Variants in ELMO1 observed in about 807,000 individuals in gnomAD.
ELMO1 encodes engulfment and cell motility protein 1.
In ELMO1, 26 loss-of-function variants were observed where a neutral mutation model predicts 98.9. The observed-to-expected ratio is 0.26, with a 90% confidence interval of 0.19 to 0.36. The LOEUF (loss-of-function observed/expected upper bound fraction) is 0.36, where lower values mean the gene tolerates loss of function less well. ELMO1 is among the 10% of genes least tolerant of loss of function. ELMO1 has a pLI of 1.00. For missense variants in ELMO1, 627 were observed against 935.2 expected, an observed-to-expected ratio of 0.67 and a Z score of 4.30; for synonymous variants, 346 against 346.0, an observed-to-expected ratio of 1.00 and a Z score of 0.00.
chr7:37,197,527 A>G (rs925988470), intron 13 of ELMO1, among the ~76,000 whole-genome samples: 1 of 152,266 alleles, frequency 6.6e-6, no homozygotes. Context: ...AATAGTCACC[A>G]CTTGAAAAAA....
At chr7:36,940,798 G>T (rs576785622) in intron 16 of ELMO1, among the ~76,000 whole-genome samples, 1 of 152,170 alleles carries the variant, frequency 6.6e-6, no homozygotes, top group African/African-American at 2.4e-5. Flanking sequence ...AGGCACTGGG[G>T]GACTCTACAA....
chr7:37,423,893 C>A (rs915194077), intron 1 of ELMO1, among the ~76,000 whole-genome samples: 1 of 152,108 alleles, frequency 6.6e-6, no homozygotes, highest in African/African-American at 2.4e-5. Context: ...ACTAAAACAC[C>A]CATCTCTGAA....
chr7:37,300,964 A>C (rs202136826), intron 4 of ELMO1, among the ~76,000 whole-genome samples: 18 of 151,962 alleles, frequency 1.2e-4, no homozygotes, highest in African/African-American at 3.9e-4. Context: ...TTGGTCTATT[A>C]AGAGATTCAA....
intron 16 of ELMO1, among the ~76,000 whole-genome samples, chr7:36,916,915 C>T (rs755690897): frequency 1.3e-5 from 2 of 152,170 alleles, no homozygotes; most frequent in African/African-American, 2.4e-5. Context: ...AATTTGGGTA[C>T]AAGTGGTAAT....
intron 15 of ELMO1, among the ~76,000 whole-genome samples, chr7:37,058,696 T>C (rs1010705118): frequency 6.6e-6 from 1 of 152,106 alleles, no homozygotes; most frequent in African/African-American, 2.4e-5. Context: ...CAGGAAGCCC[T>C]GGGGATACTC....
chr7:37,052,485 C>T (rs1176147516), intron 15 of ELMO1, among the ~76,000 whole-genome samples: 2 of 152,172 alleles, frequency 1.3e-5, no homozygotes, highest in Non-Finnish European at 2.9e-5. Flanking sequence ...CAGGCTGCAA[C>T]CCACCATATC....
chr7:37,303,032 C>T (rs1798426040), intron 4 of ELMO1, among the ~76,000 whole-genome samples: 1 of 152,178 alleles, frequency 6.6e-6, no homozygotes, highest in African/African-American at 2.4e-5. Context: ...TCTTCTATTT[C>T]TCCTTTTCTT....
rs527634588 is a variant in ELMO1 at position 37,202,469 on chromosome 7, A to G, written c.1086+8917T>C. ...AAGCCTATGATAAAATCACACTGGG[A>G]TCGGTGCTGAAATATAAGGCAAGTC... On this transcript the variant is annotated intron_variant, in intron 13 of 21. Transcript: ENST00000310758. Among the ~76,000 whole-genome samples, 3 of 152,342 alleles carry G rather than the reference A, an allele frequency of 2.0e-5. No individual in the cohort carries two copies. In the South Asian group the frequency reaches 6.2e-4, roughly 32 times the overall value.
chr7:37,027,394 G>T (rs1323941092), intron 15 of ELMO1, among the ~76,000 whole-genome samples: 2 of 152,090 alleles, frequency 1.3e-5, no homozygotes, highest in Non-Finnish European at 2.9e-5. Context: ...TTTGAGCAGG[G>T]GTACTGGGCT....
At chr7:37,165,549 G>A (rs1789609896) in intron 13 of ELMO1, among the ~76,000 whole-genome samples, 1 of 152,012 alleles carries the variant, frequency 6.6e-6, no homozygotes, top group Non-Finnish European at 1.5e-5. Context: ...AGCATGAAGG[G>A]CTGTTGAATT....
At chr7:37,080,600 A>ATTTTTTT (rs764259726) in intron 15 of ELMO1, among the ~76,000 whole-genome samples, 9 of 105,216 alleles carry the variant, frequency 8.6e-5, no homozygotes, top group East Asian at 2.7e-4. Flanking sequence ...ACCACGCCTA[A>ATTTTTTT]TTTTTTTTTT....
At chr7:37,107,151 T>C (rs902571750) in intron 14 of ELMO1, among the ~76,000 whole-genome samples, 7 of 152,224 alleles carry the variant, frequency 4.6e-5, no homozygotes, top group Admixed American at 6.5e-5. Context: ...TAAAAATACA[T>C]GTATGAACAA....
intron 16 of ELMO1, among the ~76,000 whole-genome samples, chr7:36,916,330 T>C (rs1458759630): frequency 6.6e-6 from 1 of 152,236 alleles, no homozygotes; most frequent in East Asian, 1.9e-4. Context: ...CCTGCCACAC[T>C]CCTGAGATGC....
Position 37,121,868 on chromosome 7 carries a change from T to G in ELMO1, c.1191+11262A>C, listed in dbSNP as rs548938373. 1.1e-4 allele frequency among the ~76,000 whole-genome samples: 17 copies of G among 152,218 alleles called. No homozygotes were observed. In the East Asian group the frequency reaches 2.7e-3, roughly 24 times the overall value. On this transcript the variant is annotated intron_variant, in intron 14 of 21. Coordinates refer to ENST00000310758, the MANE Select transcript of ELMO1 (RefSeq NM_014800.11). ...CAAAGTTGAAATGAAGGAAAAAATGTTAAGGGCAGCCAGAGAGAAAGGACG... is the reference window on the plus strand; with the variant it reads ...CAAAGTTGAAATGAAGGAAAAAATGGTAAGGGCAGCCAGAGAGAAAGGACG...
chr7:37,297,320 T>C (rs1027982605), intron 4 of ELMO1, among the ~76,000 whole-genome samples: 1 of 152,200 alleles, frequency 6.6e-6, no homozygotes, highest in East Asian at 1.9e-4. Flanking sequence ...AATGGAACTT[T>C]CTTCACAATA....
intron 16 of ELMO1, among the ~76,000 whole-genome samples, chr7:36,987,977 CA>C (rs1791629938): frequency 6.6e-6 from 1 of 152,208 alleles, no homozygotes. Context: ...AGGCTGGTCT[CA>C]AACTCCTGAC....
intron 13 of ELMO1, among the ~76,000 whole-genome samples, chr7:37,187,485 G>C (rs555767316): frequency 3.9e-5 from 6 of 152,186 alleles, no homozygotes; most frequent in African/African-American, 1.4e-4. Flanking sequence ...TAAAATATGA[G>C]TTATGTTCTC....
chr7:37,005,545 AAC>A (rs1231505568), intron 16 of ELMO1, among the ~76,000 whole-genome samples: 5 of 152,152 alleles, frequency 3.3e-5, no homozygotes, highest in African/African-American at 4.8e-5. Flanking sequence ...TACAAAAATT[AAC>A]CAGGCCTCGT....
chr7:36,863,872 T>C (rs954881903), intron 20 of ELMO1, among the ~76,000 whole-genome samples: 9 of 152,248 alleles, frequency 5.9e-5, no homozygotes, highest in African/African-American at 1.9e-4. Context: ...ATACAAATTG[T>C]ACTCAGATTT....
Sources: gnomAD v4.1 joint callset for allele counts (sites outside exome capture counted in the v4.1 genomes callset) on GRCh38, gnomAD v4.1.1 for gene constraint, MANE v1.5 for transcripts, NCBI Gene and HGNC (gene_info 2026-07-23, HGNC 2026-07-21) for gene names.